The following GSN variants were observed in gnomAD, a reference collection of about 807,000 sequenced individuals.
GSN encodes the protein gelsolin.
A neutral mutation model predicts 85.7 loss-of-function variants in GSN; 56 were observed. That is an observed-to-expected ratio of 0.65 (90% CI 0.53 to 0.82). GSN has a LOEUF of 0.82. Among genes scored for constraint, GSN ranks in the 40% least tolerant of loss-of-function variants. GSN has a pLI of 0.00. For synonymous variants in GSN, 373 were observed against 399.1 expected (o/e 0.93, Z 0.78); for missense variants, 857 against 979.8 (o/e 0.87, Z 1.67).
intron 2 of GSN, among the ~76,000 whole-genome samples, chr9:121,295,229 G>T (rs1471944564): frequency 1.3e-5 from 2 of 152,228 alleles, no homozygotes; most frequent in Admixed American, 6.5e-5. Context: ...CTGAGGTCTG[G>T]ATTGCAGAAG....
At chr9:121,229,684 G>A (rs2054349783) in intron 4 of GSN, among the ~76,000 whole-genome samples, 2 of 152,124 alleles carry the variant, frequency 1.3e-5, no homozygotes, top group Admixed American at 1.3e-4. Context: ...CTCATTACTG[G>A]GGATGCTAAG....
chr9:121,258,279 G>A (rs953880575), intron 6 of GSN, among the ~76,000 whole-genome samples: 2 of 152,162 alleles, frequency 1.3e-5, no homozygotes, highest in Non-Finnish European at 2.9e-5. Flanking sequence ...CCTGGCCAAC[G>A]TGGTGAAACC....
rs746233823 is a variant in GSN, at chr9:121,331,373, G to A, written c.1966-15G>A. ...GCACTCCTCATGTACCTTTCCTGTTGCATCTCACCTCCAGGTCTTTGTCTG... is the reference window on the plus strand; with the variant it reads ...GCACTCCTCATGTACCTTTCCTGTTACATCTCACCTCCAGGTCTTTGTCTG... On this transcript the variant is annotated splice_polypyrimidine_tract_variant and intron_variant, in intron 16 of 17. Coordinates refer to ENST00000432226, the MANE Select transcript of GSN (RefSeq NM_198252.3). The A allele has an allele frequency of 1.9e-6, 3 of 1,573,476 alleles. No homozygotes were observed. Among genetic ancestry groups the A allele is most frequent in the Non-Finnish European group, 2.6e-6 (3 of 1,145,200 alleles).
At chr9:121,323,113 G>A (rs1373018995) in intron 11 of GSN, among the ~76,000 whole-genome samples, 1 of 152,220 alleles carries the variant, frequency 6.6e-6, no homozygotes, top group Admixed American at 6.5e-5. Flanking sequence ...TTATAGGCAT[G>A]AGCCACCACG....
At chr9:121,227,589 G>C (rs1360170496) in intron 4 of GSN, among the ~76,000 whole-genome samples, 2 of 152,094 alleles carry the variant, frequency 1.3e-5, no homozygotes, top group African/African-American at 4.8e-5. Flanking sequence ...GTGGGACTGA[G>C]CCCTTCACCT....
At chr9:121,243,467 A>G (rs538971061) in intron 5 of GSN, among the ~76,000 whole-genome samples, 1 of 152,358 alleles carries the variant, frequency 6.6e-6, no homozygotes, top group African/African-American at 2.4e-5. Flanking sequence ...TGTAGGGGCC[A>G]TTAATTAGCC....
intron 4 of GSN, among the ~76,000 whole-genome samples, chr9:121,214,682 T>TC (rs2054027668): frequency 6.6e-6 from 1 of 152,192 alleles, no homozygotes; most frequent in South Asian, 2.1e-4. Flanking sequence ...TATGTCATAT[T>TC]CCTACGGAGC....
chr9:121,276,741 A>G (rs1419373336), intron 1 of GSN, among the ~76,000 whole-genome samples: 2 of 152,110 alleles, frequency 1.3e-5, no homozygotes, highest in Non-Finnish European at 2.9e-5. Context: ...CATGAAACCT[A>G]AGGCCTGACT....
intron 4 of GSN, among the ~76,000 whole-genome samples, chr9:121,212,131 C>A (rs114815873): frequency 0.019 from 2,840 of 152,156 alleles, 78 homozygotes; most frequent in African/African-American, 0.062. Context: ...CTATGGATGC[C>A]TTTTAACTGA....
chr9:121,296,185 A>G (rs73660432), intron 2 of GSN, among the ~76,000 whole-genome samples: 344 of 152,348 alleles, frequency 2.3e-3, no homozygotes, highest in African/African-American at 8.0e-3. Flanking sequence ...TGCCCAGGTC[A>G]GGTGGTGCTA....
chr9:121,227,727 G>C (rs1487557108), intron 4 of GSN, among the ~76,000 whole-genome samples: 1 of 152,158 alleles, frequency 6.6e-6, no homozygotes, highest in Non-Finnish European at 1.5e-5. Context: ...GTGTCAGACT[G>C]TTGTGTTGAG....
intron 2 of GSN, chr9:121,300,012 G>A (rs772288409): frequency 6.6e-7 from 1 of 1,504,086 alleles, no homozygotes; most frequent in South Asian, 1.3e-5. Flanking sequence ...GCGGGTGAGT[G>A]CCCGGGGGGC....
At chr9:121,291,334 G>A (rs1024901222) in intron 2 of GSN, among the ~76,000 whole-genome samples, 3 of 151,554 alleles carry the variant, frequency 2.0e-5, no homozygotes, top group Admixed American at 6.6e-5. Context: ...GCAGATTTTG[G>A]TATCTGAGGG....
chr9:121,228,669 C>A (rs2054326146), intron 4 of GSN, among the ~76,000 whole-genome samples: 1 of 151,868 alleles, frequency 6.6e-6, no homozygotes, highest in Admixed American at 6.6e-5. Context: ...AAGTGATCTG[C>A]CTGCCTCAGT....
intron 10 of GSN, 152 bp downstream of exon 10, chr9:121,319,032 C>A: frequency 1.4e-6 from 1 of 710,328 alleles, no homozygotes. Flanking sequence ...ACAGCCAATG[C>A]ACCCTGTGTA....
chr9:121,209,154 A>T (rs2053929139), intron 1 of GSN: 1 of 152,202 alleles, frequency 6.6e-6, no homozygotes, highest in African/African-American at 2.4e-5. Flanking sequence ...CTAATAGTGA[A>T]CCCCAGAAGT....
At chr9:121,224,727 T>A (rs766259433) in intron 4 of GSN, among the ~76,000 whole-genome samples, 22 of 139,228 alleles carry the variant, frequency 1.6e-4, no homozygotes, top group Non-Finnish European at 2.4e-4. Flanking sequence ...GAGATATGAT[T>A]AGCTAGGCTA....
chr9:121,280,508 CAAT>C (rs775162507), intron 1 of GSN: 1 of 152,146 alleles, frequency 6.6e-6, no homozygotes, highest in Non-Finnish European at 1.5e-5. Flanking sequence ...TGCATTAGAA[CAAT>C]AATAGACTGA....
chr9:121,230,588 G>T (rs886796022), intron 4 of GSN, among the ~76,000 whole-genome samples: 4 of 152,196 alleles, frequency 2.6e-5, no homozygotes, highest in Non-Finnish European at 5.9e-5. Flanking sequence ...GACTCAAGCA[G>T]ATTCAGCCCT....
Sources: allele counts gnomAD v4.1 joint callset (sites outside exome capture counted in the v4.1 genomes callset), GRCh38; gene constraint gnomAD v4.1.1; transcripts MANE v1.5; gene names NCBI Gene and HGNC (gene_info 2026-07-23, HGNC 2026-07-21).